Variants in GNL2 observed in about 807,000 individuals in gnomAD.
GNL2 encodes nucleolar GTP-binding protein 2.
A neutral mutation model predicts 92.3 loss-of-function variants in GNL2; 51 were observed. The ratio of observed to expected loss-of-function variants is 0.55; its 90% CI spans 0.44 to 0.70. The LOEUF is 0.70. Ranked by LOEUF, GNL2 falls within the 30% of genes least tolerant of loss-of-function variation. GNL2 has a pLI of 0.00. For synonymous variants in GNL2, 283 were observed against 300.6 expected (o/e 0.94, Z 0.61); for missense variants, 844 against 895.6 (o/e 0.94, Z 0.74).
chr1:37,590,720 G>T lies in GNL2; in HGVS notation c.370C>A (p.Arg124=). Residue 124 remains arginine (R), a synonymous_variant, in exon 4 of 16, where the codon CGA becomes AGA. Transcript: ENST00000373062. ...SKLPMSLLHD[R]IRPHNLKVHI... Reference sequence around the variant, plus strand: ...CTACATCTTACATGAGGCCGGATTCGATCATGGAGAAGAGACATTGGTAAC... The same window carrying T: ...CTACATCTTACATGAGGCCGGATTCTATCATGGAGAAGAGACATTGGTAAC... 1 of 1,613,328 alleles carries T rather than the reference G, an allele frequency of 6.2e-7. No individual in the cohort carries two copies. The highest frequency in any genetic ancestry group is 8.5e-7 in the Non-Finnish European group (1 of 1,179,306).
At chr1:37,573,819 C>T (rs1291286778) in intron 12 of GNL2, among the ~76,000 whole-genome samples, 2 of 152,226 alleles carry the variant, frequency 1.3e-5, no homozygotes, top group Non-Finnish European at 2.9e-5. Context: ...ATGGCACTGG[C>T]ACTCTAGAAT....
intron 6 of GNL2, among the ~76,000 whole-genome samples, chr1:37,583,534 GA>G (rs1187993351): frequency 6.6e-6 from 1 of 152,232 alleles, no homozygotes. Context: ...GATAAAAGGA[GA>G]GGGGTGGACT....
At chr1:37,592,079 C>G (rs1228798859) in intron 3 of GNL2, among the ~76,000 whole-genome samples, 1 of 152,284 alleles carries the variant, frequency 6.6e-6, no homozygotes, top group East Asian at 1.9e-4. Context: ...AAGATAGCTG[C>G]CACCTGCCCC....
At chr1:37,593,890 C>T in intron 1 of GNL2, 44 bp from the exon 2 acceptor site, 1 of 1,395,306 alleles carries the variant, frequency 7.2e-7, no homozygotes, top group Non-Finnish European at 1.0e-6. Flanking sequence ...GATAACCAAC[C>T]AGTATAACCA....
At chr1:37,569,439 T>C (rs1302125062) in intron 12 of GNL2, 137 bp from the exon 13 acceptor site, 19 of 616,368 alleles carry the variant, frequency 3.1e-5, no homozygotes, top group East Asian at 2.7e-5. Flanking sequence ...ATTTGAGTCA[T>C]TTCATTAATG....
chr1:37,587,278 A>G (rs947556457), intron 5 of GNL2, 33 bp downstream of exon 5: 5 of 1,504,846 alleles, frequency 3.3e-6, no homozygotes, highest in African/African-American at 2.8e-5. Context: ...AAAAAAAAAA[A>G]ACAAAAACAA....
chr1:37,585,505 C>T (rs1643837732), intron 5 of GNL2, among the ~76,000 whole-genome samples: 1 of 152,126 alleles, frequency 6.6e-6, no homozygotes, highest in Non-Finnish European at 1.5e-5. Context: ...CCATATACAG[C>T]AGTATTTTTC....
chr1:37,570,949 A>T (rs1355049481), intron 12 of GNL2: 3 of 152,194 alleles, frequency 2.0e-5, no homozygotes, highest in Non-Finnish European at 4.4e-5. Flanking sequence ...AAACTCAGAG[A>T]ACTTAAAAGT....
chr1:37,582,312 G>T lies in GNL2; in HGVS notation c.820C>A (p.Gln274Lys). The T allele has an allele frequency of 6.2e-7, 1 of 1,612,316 alleles. No individual in the cohort carries two copies. Among genetic ancestry groups the T allele is most frequent in the Non-Finnish European group, 8.5e-7 (1 of 1,179,046 alleles). Residue 274 changes from glutamine to lysine, a missense_variant, in exon 8 of 16, where the codon CAG (glutamine) becomes AAG (lysine). By Grantham distance (53) the Gln-to-Lys change is moderately conservative (BLOSUM62 1). Coordinates refer to ENST00000373062, the MANE Select transcript of GNL2 (RefSeq NM_013285.3). ...TGGAAAGCAAGTGTTGGATAATCCT[G>T]GGAGAGGACAGCAACCCACCGTTTC... ...ATKRWVAVLS[Q>K]DYPTLAFHAS...
chr1:37,586,452 T>C (rs1307110040), intron 5 of GNL2, among the ~76,000 whole-genome samples: 1 of 152,074 alleles, frequency 6.6e-6, no homozygotes, highest in Non-Finnish European at 1.5e-5. Context: ...TACGAGAATA[T>C]GATTAAAATT....
chr1:37,569,152 G>C lies in GNL2; in HGVS notation c.1567C>G (p.Gln523Glu), dbSNP rs746895892. 5.6e-6 allele frequency: 9 copies of C among 1,614,152 alleles called. No homozygotes were observed. In the South Asian group the frequency reaches 9.9e-5, roughly 18 times the overall value. The change falls in exon 13 of 16, where the codon CAG becomes GAG. Residue 523 changes from glutamine to glutamate, a missense_variant. Coordinates refer to ENST00000373062, the MANE Select transcript of GNL2 (RefSeq NM_013285.3). The part of the protein sequence containing the change: ...NSHCDANTEM[Q>E]QILTRVRQNF... ...TGCCGAACTCGTGTGAGAATCTGCT[G>C]CATCTCTGTGTTAGCATCACAGTGA...
Position 37,582,897 on chromosome 1 carries a change from C to T in GNL2, c.676G>A (p.Ala226Thr). The T allele has an allele frequency of 6.2e-7, 1 of 1,612,856 alleles. No homozygotes were observed. The highest frequency in any genetic ancestry group is 8.5e-7 in the Non-Finnish European group (1 of 1,179,138). ...SSDVVVQVLD[A>T]RDPMGTRSPH... The stretch of plus-strand genomic sequence containing the variant: ...GAACGAGTACCCATTGGATCTCTAG[C>T]ATCAAGAACTTGAACTACAACATCT... The change falls in exon 7 of 16, where the codon GCT (alanine) becomes ACT (threonine). Residue 226 changes from alanine to threonine, a missense_variant. By Grantham distance (58) the Ala-to-Thr change is moderately conservative. Coordinates refer to ENST00000373062, the MANE Select transcript of GNL2 (RefSeq NM_013285.3).
intron 12 of GNL2, among the ~76,000 whole-genome samples, chr1:37,573,543 G>C (rs1031682506): frequency 1.3e-5 from 2 of 152,208 alleles, no homozygotes; most frequent in Non-Finnish European, 2.9e-5. Context: ...TTTCCCACTG[G>C]ATCACAGGTT....
Position 37,566,967 on chromosome 1 carries a change from C to T in GNL2, c.2084G>A (p.Gly695Asp). The change falls in exon 16 of 16, where the codon GGT becomes GAT. Residue 695 changes from glycine to aspartate, a missense_variant. Gly to Asp is a moderately conservative substitution (Grantham distance 94). Coordinates refer to ENST00000373062, the MANE Select transcript of GNL2 (RefSeq NM_013285.3). ...AVRQQRPKKV[G>D]VRYYETHNVK... ...GTTGTGTGTTTCATAGTAGCGCACA[C>T]CAACTTTTTTCGGCCGTTGCTGTCG... 6.2e-7 allele frequency: 1 copy of T among 1,613,998 alleles called. No homozygotes were observed. The highest frequency in any genetic ancestry group is 1.1e-5 in the South Asian group (1 of 91,070).
chr1:37,569,770 T>G (rs1643567060), intron 12 of GNL2: 1 of 156,132 alleles, frequency 6.4e-6, no homozygotes, highest in Non-Finnish European at 1.4e-5. Flanking sequence ...CTGGTATGGT[T>G]TGGCTGTGTC....
intron 2 of GNL2, 56 bp from the exon 3 acceptor site, chr1:37,592,862 G>T: frequency 1.1e-6 from 1 of 947,570 alleles, no homozygotes. Flanking sequence ...CAACAGCGAA[G>T]TTTGATTTAC....
In GNL2 at chr1:37,582,915, C is replaced by T. The variant is rs1176934757; in HGVS notation, c.658G>A (p.Val220Ile). The T allele has an allele frequency of 3.1e-6, 5 of 1,612,286 alleles. No homozygotes were observed. Among genetic ancestry groups the T allele is most frequent in the Admixed American group, 1.7e-5 (1 of 59,808 alleles). ...LYKVIDSSDV[V>I]VQVLDARDPM... Reference sequence around the variant, plus strand: ...TCTCTAGCATCAAGAACTTGAACTACAACATCTGATGAATCTATCACCTGA... The same window carrying T: ...TCTCTAGCATCAAGAACTTGAACTATAACATCTGATGAATCTATCACCTGA... The change falls in exon 7 of 16, where the codon GTA becomes ATA. Residue 220 changes from valine (V) to isoleucine (I), a missense_variant. Transcript: ENST00000373062.
rs1305408016 is a variant in GNL2, at chr1:37,582,871, G to A, written c.702C>T (p.Ser234=). Residue 234 remains serine, a synonymous_variant, in exon 7 of 16, where the codon TCC becomes TCT. Transcript: ENST00000373062. ...LDARDPMGTR[S]PHIETYLKKE... ...TCTTCAGGTAAGTTTCAATGTGAGG[G>A]GAACGAGTACCCATTGGATCTCTAG... The A allele has an allele frequency of 6.2e-7, 1 of 1,610,718 alleles. No individual in the cohort carries two copies. The highest frequency in any genetic ancestry group is 1.1e-5 in the South Asian group (1 of 91,020).
At chr1:37,593,671 TG>T in intron 2 of GNL2, 90 bp downstream of exon 2, 1 of 789,628 alleles carries the variant, frequency 1.3e-6, no homozygotes, top group Non-Finnish European at 2.1e-6. Context: ...TTGGAGGAAG[TG>T]GGGGTGAGAA....
Sources: gnomAD v4.1 joint callset for allele counts (sites outside exome capture counted in the v4.1 genomes callset) on GRCh38, gnomAD v4.1.1 for gene constraint, MANE v1.5 for transcripts, NCBI Gene and HGNC (gene_info 2026-07-23, HGNC 2026-07-21) for gene names.